The following BICC1 variants were observed in gnomAD, a reference collection of about 807,000 sequenced individuals.
The protein encoded by BICC1 is protein bicaudal C homolog 1.
In BICC1, 43 loss-of-function variants were observed where a neutral mutation model predicts 111.0. The observed-to-expected ratio is 0.39, with a 90% CI of 0.30 to 0.50. The LOEUF (loss-of-function observed/expected upper bound fraction) is 0.50, where lower values mean the gene tolerates loss of function less well. BICC1 is among the 20% of genes least tolerant of loss of function. The pLI is 0.88. For missense variants in BICC1, 1,091 were observed against 1,203.2 expected, an observed-to-expected ratio of 0.91 and a Z score of 1.38; for synonymous variants, 467 against 434.4, an observed-to-expected ratio of 1.07 and a Z score of -0.93.
rs1842404706 is a variant in BICC1 at position 58,764,509 on chromosome 10, G to A, written c.308-20492G>A. Among the ~76,000 whole-genome samples, 4 of 152,170 alleles carry A rather than the reference G, an allele frequency of 2.6e-5. No individual in the cohort carries two copies. In the South Asian group the frequency reaches 8.3e-4, roughly 32 times the overall value. ...AAGGCAGTAAAAGTATATAGAAAGT[G>A]AAGGTGATACTCATGTATGTGCTGA... On this transcript the variant is annotated intron_variant, in intron 3 of 20. Transcript: ENST00000373886.
chr10:58,528,944 G>T, intron 1 of BICC1, among the ~76,000 whole-genome samples: 1 of 151,926 alleles, frequency 6.6e-6, no homozygotes. Context: ...AGAAAGAGAG[G>T]ATAGTTAAAG....
chr10:58,544,025 TA>T (rs1379787294), intron 1 of BICC1, among the ~76,000 whole-genome samples: 1 of 152,018 alleles, frequency 6.6e-6, no homozygotes. Flanking sequence ...TGTTACAGTT[TA>T]AAAAAGGTAG....
chr10:58,790,320 A>C (rs1477492965), intron 8 of BICC1, among the ~76,000 whole-genome samples: 1 of 152,138 alleles, frequency 6.6e-6, no homozygotes, highest in Non-Finnish European at 1.5e-5. Context: ...AAAAGTAAAA[A>C]TACTATTTAA....
intron 2 of BICC1, among the ~76,000 whole-genome samples, chr10:58,649,032 A>G (rs906527756): frequency 1.3e-4 from 20 of 152,154 alleles, no homozygotes; most frequent in South Asian, 2.1e-4. Context: ...ATTACAAACC[A>G]CCCTACTACC....
intron 3 of BICC1, among the ~76,000 whole-genome samples, chr10:58,784,342 T>C (rs1842953765): frequency 6.6e-6 from 1 of 152,188 alleles, no homozygotes; most frequent in African/African-American, 2.4e-5. Flanking sequence ...GAAAGTTTAA[T>C]GGCAGTAATA....
At chr10:58,566,929 A>C (rs1843782425) in intron 1 of BICC1, among the ~76,000 whole-genome samples, 1 of 152,190 alleles carries the variant, frequency 6.6e-6, no homozygotes, top group Admixed American at 6.6e-5. Flanking sequence ...GGCTTGGAGA[A>C]GGGATATTTA....
intron 1 of BICC1, among the ~76,000 whole-genome samples, chr10:58,566,032 A>T (rs771760011): frequency 8.6e-5 from 13 of 151,902 alleles, no homozygotes; most frequent in Admixed American, 2.0e-4. Flanking sequence ...TCCTCATACG[A>T]TGTTTGGTTT....
At chr10:58,814,170 C>A in intron 18 of BICC1, 184 bp downstream of exon 18, 1 of 710,284 alleles carries the variant, frequency 1.4e-6, no homozygotes, top group South Asian at 1.7e-5. Flanking sequence ...TCTTTCCTCT[C>A]ACTCCATTTT....
At position 58,788,460 on chromosome 10, in the gene BICC1, C is replaced by T. The variant is rs200873651; in HGVS notation, c.600+37C>T. On this transcript the variant is annotated intron_variant, in intron 6 of 20. Transcript: ENST00000373886. Reference sequence around the variant, plus strand: ...TTACTTTAACATTGTAAATTGATGTCAGCAACATTTGCATTATAAGGCACT... The same window carrying T: ...TTACTTTAACATTGTAAATTGATGTTAGCAACATTTGCATTATAAGGCACT... 2.0e-3 allele frequency: 2,805 copies of T among 1,411,226 alleles called. 18 individuals carry two copies. Among genetic ancestry groups the T allele is most frequent in the South Asian group, 5.4e-3 (455 of 84,584 alleles). The allele number at this position is 1,411,226 out of a possible 1,614,324, so 87.4% of individuals were successfully genotyped here. A position where few individuals can be genotyped will look rare whatever the true frequency, so the allele number is the denominator to read the frequency against.
At chr10:58,781,405 C>A (rs1842881467) in intron 3 of BICC1, among the ~76,000 whole-genome samples, 1 of 152,120 alleles carries the variant, frequency 6.6e-6, no homozygotes, top group Admixed American at 6.5e-5. Context: ...GTGGTAGTTA[C>A]AAAACCAAAT....
chr10:58,554,306 T>C (rs1843381480), intron 1 of BICC1, among the ~76,000 whole-genome samples: 1 of 152,180 alleles, frequency 6.6e-6, no homozygotes, highest in African/African-American at 2.4e-5. Flanking sequence ...TGTCGAACCC[T>C]GAGCAGAACT....
Position 58,521,780 on chromosome 10 carries a change from T to G in BICC1, c.190+8447T>G, listed in dbSNP as rs1252428904. ...CAGGGAATGTGGTGTTTTTTTTTTTTTTTTTTTTTTTTTTTTTTTTTTTTT... is the reference window on the plus strand; with the variant it reads ...CAGGGAATGTGGTGTTTTTTTTTTTGTTTTTTTTTTTTTTTTTTTTTTTTT... On this transcript the variant is annotated intron_variant, in intron 1 of 20. Coordinates refer to ENST00000373886, the MANE Select transcript of BICC1 (RefSeq NM_001080512.3). Among the ~76,000 whole-genome samples, 90 of 29,142 alleles carry G rather than the reference T, an allele frequency of 3.1e-3. 3 individuals carry two copies. The highest frequency in any genetic ancestry group is 0.023 in the African/African-American group (84 of 3,704). 19.1% of individuals were successfully genotyped at this position (29,142 alleles called of 152,430 possible).
At chr10:58,674,255 A>AAAAATAAAC (rs1839271479) in intron 2 of BICC1, among the ~76,000 whole-genome samples, 1 of 10,268 alleles carries the variant, frequency 9.7e-5, no homozygotes, top group Non-Finnish European at 6.0e-3. Flanking sequence ...ATTTCCCTGA[A>AAAAATAAAC]ACTCAGATCA....
intron 1 of BICC1, among the ~76,000 whole-genome samples, chr10:58,586,386 T>C (rs1476081898): frequency 6.6e-6 from 1 of 152,100 alleles, no homozygotes; most frequent in Non-Finnish European, 1.5e-5. Context: ...ACCAATTGAC[T>C]TTCTAAATAT....
chr10:58,675,042 CG>C lies in BICC1; in HGVS notation c.238-27030del. 2.0e-5 allele frequency among the ~76,000 whole-genome samples: 3 copies of C among 152,244 alleles called. No individual in the cohort carries two copies. The South Asian group carries it at 6.2e-4, about 32-fold the overall frequency. On this transcript the variant is annotated intron_variant, in intron 2 of 20. Transcript: ENST00000373886. ...ATGAAATCCTCTGTGTAAGTACTCA[CG>C]GATGGTAATTATCTGGATAGAAGAT...
intron 1 of BICC1, among the ~76,000 whole-genome samples, chr10:58,597,971 A>G (rs1434879314): frequency 1.3e-5 from 2 of 152,144 alleles, no homozygotes; most frequent in African/African-American, 4.8e-5. Context: ...CAGTTATCAC[A>G]GTGGTCCTGA....
At chr10:58,648,814 T>C (rs757016938) in intron 2 of BICC1, 90 of 288,524 alleles carry the variant, frequency 3.1e-4, no homozygotes, top group Non-Finnish European at 4.6e-4. Flanking sequence ...TTTCTCTTGA[T>C]AGTTGCACTA....
intron 1 of BICC1, among the ~76,000 whole-genome samples, chr10:58,552,761 A>T (rs942990572): frequency 6.6e-6 from 1 of 152,186 alleles, no homozygotes; most frequent in Non-Finnish European, 1.5e-5. Context: ...TAATTTCTCT[A>T]GGTCTCAGTT....
rs187817234 is a variant in BICC1 at position 58,612,087 on chromosome 10, A to G, written c.191-8768A>G. Reference sequence around the variant, plus strand: ...CTGAAAATTCTCACACTTATGAGATACAGCATTCAGATGATACTTTTCACC... The same window carrying G: ...CTGAAAATTCTCACACTTATGAGATGCAGCATTCAGATGATACTTTTCACC... On this transcript the variant is annotated intron_variant, in intron 1 of 20. Coordinates refer to ENST00000373886, the MANE Select transcript of BICC1 (RefSeq NM_001080512.3). Among the ~76,000 whole-genome samples, 537 of 152,362 alleles carry G rather than the reference A, an allele frequency of 3.5e-3. 5 individuals are homozygous for G. The highest frequency in any genetic ancestry group is 0.012 in the Admixed American group (188 of 15,308).
Sources: allele counts gnomAD v4.1 joint callset (sites outside exome capture counted in the v4.1 genomes callset), GRCh38; gene constraint gnomAD v4.1.1; transcripts MANE v1.5; gene names NCBI Gene and HGNC (gene_info 2026-07-23, HGNC 2026-07-21).